Variants in ZNF569 observed in about 807,000 individuals in gnomAD.
ZNF569 encodes the protein zinc finger protein 569.
ZNF569 carries 38 observed loss-of-function variants against 56.3 expected under a neutral mutation model. The ratio of observed to expected loss-of-function variants is 0.68; its 90% confidence interval spans 0.52 to 0.88. The LOEUF is 0.88. Among genes scored for constraint, ZNF569 ranks in the 40% least tolerant of loss-of-function variants. The probability of loss-of-function intolerance (pLI) is 0.00; values close to 1 mark genes in which losing one functional copy is unlikely to be tolerated. For missense variants in ZNF569, 666 were observed against 809.2 expected (o/e 0.82, Z 2.15); for synonymous variants, 241 against 262.9 (o/e 0.92, Z 0.81).
intron 3 of ZNF569, among the ~76,000 whole-genome samples, chr19:37,437,099 T>C (rs183561100): frequency 4.0e-5 from 6 of 150,662 alleles, no homozygotes; most frequent in African/African-American, 1.5e-4. Context: ...ACTAGCAAAC[T>C]GATTTCAGCA....
intron 2 of ZNF569, among the ~76,000 whole-genome samples, chr19:37,460,434 C>T (rs1245356322): frequency 6.6e-6 from 1 of 152,010 alleles, no homozygotes; most frequent in African/African-American, 2.4e-5. Flanking sequence ...TGAGCCACCA[C>T]GCCTGGCCAA....
At chr19:37,459,244 C>T (rs2041720807) in intron 2 of ZNF569, among the ~76,000 whole-genome samples, 1 of 151,554 alleles carries the variant, frequency 6.6e-6, no homozygotes, top group African/African-American at 2.4e-5. Context: ...CCAAAAAAAA[C>T]CACACGTGTA....
intron 2 of ZNF569, among the ~76,000 whole-genome samples, chr19:37,448,729 G>A (rs1262569560): frequency 1.3e-5 from 2 of 151,432 alleles, no homozygotes; most frequent in Non-Finnish European, 2.9e-5. Flanking sequence ...ACGCCCGGCT[G>A]ATTTTTTGTA....
At position 37,444,899 on chromosome 19, in the gene ZNF569, A is replaced by T. The variant is rs1199390985; in HGVS notation, c.15+8T>A. On this transcript the variant is annotated splice_region_variant and intron_variant, in intron 3 of 5. Coordinates refer to ENST00000316950, the MANE Select transcript of ZNF569 (RefSeq NM_152484.3). ...AGGCAAGAAACAAATACACTATTTA[A>T]CATTTACCTGGGACTCAGTCATTTC... 6 of 1,606,170 alleles carry T rather than the reference A, an allele frequency of 3.7e-6. No homozygotes were observed.
At chr19:37,460,637 C>T (rs1363681230) in intron 2 of ZNF569, among the ~76,000 whole-genome samples, 4 of 151,942 alleles carry the variant, frequency 2.6e-5, no homozygotes, top group Non-Finnish European at 5.9e-5. Context: ...CACCTGTAGT[C>T]CAAGCTATTT....
intron 3 of ZNF569, among the ~76,000 whole-genome samples, chr19:37,441,622 C>T (rs980457992): frequency 1.3e-5 from 2 of 151,310 alleles, no homozygotes; most frequent in African/African-American, 2.4e-5. Flanking sequence ...GATTGTGCCA[C>T]GCCAGCCTGG....
intron 2 of ZNF569, chr19:37,455,174 G>C (rs2041653151): frequency 3.3e-6 from 1 of 302,742 alleles, no homozygotes; most frequent in Non-Finnish European, 6.1e-6. Flanking sequence ...ATAAAGTTAG[G>C]ATTAGGATAA....
intron 2 of ZNF569, among the ~76,000 whole-genome samples, chr19:37,451,589 GT>G (rs1386899018): frequency 1.3e-5 from 2 of 151,806 alleles, no homozygotes; most frequent in Non-Finnish European, 2.9e-5. Flanking sequence ...TTTTGCCAGT[GT>G]TTCTTTTACA....
chr19:37,468,542 C>T (rs901381199), upstream of ZNF569, among the ~76,000 whole-genome samples: 4 of 152,008 alleles, frequency 2.6e-5, no homozygotes, highest in African/African-American at 9.7e-5. Flanking sequence ...GTCGCTCAGG[C>T]TGGAGTGCAG....
At chr19:37,451,794 A>T (rs2041597664) in intron 2 of ZNF569, among the ~76,000 whole-genome samples, 1 of 152,102 alleles carries the variant, frequency 6.6e-6, no homozygotes, top group Admixed American at 6.5e-5. Context: ...ATCTTTTTCC[A>T]TCCCGCACCT....
upstream of ZNF569, chr19:37,467,761 G>A (rs1040046276): frequency 3.4e-6 from 3 of 891,948 alleles, no homozygotes; most frequent in South Asian, 3.0e-5. Flanking sequence ...TTGGAGTGGG[G>A]TTTCCAGGGC....
At chr19:37,425,318 ATTTTTT>A (rs770808954) in intron 5 of ZNF569, among the ~76,000 whole-genome samples, 3 of 104,168 alleles carry the variant, frequency 2.9e-5, no homozygotes, top group African/African-American at 1.2e-4. Context: ...CACGTGGCTA[ATTTTTT>A]TTTTTTTTTT....
rs540960010 is a variant in ZNF569 at position 37,467,392 on chromosome 19, T to C, written c.-513A>G. 5.9e-4 allele frequency: 94 copies of C among 158,934 alleles called. No homozygotes were observed. Among genetic ancestry groups the C allele is most frequent in the African/African-American group, 2.2e-3 (90 of 41,674 alleles). 9.8% of individuals were successfully genotyped at this position (158,934 alleles called of 1,614,324 possible). A position where few individuals can be genotyped will look rare whatever the true frequency, so the allele number is the denominator to read the frequency against. The stretch of plus-strand genomic sequence containing the variant: ...CTCCCGCGAGCCCAGCTCTGAGAGA[T>C]TGGGAGCGCAACTTGGTGCTGAGAA... On this transcript the variant is annotated 5_prime_UTR_variant, in exon 1 of 6. Transcript: ENST00000316950.
intron 5 of ZNF569, among the ~76,000 whole-genome samples, chr19:37,419,015 T>C (rs893973653): frequency 1.3e-5 from 2 of 152,230 alleles, no homozygotes; most frequent in South Asian, 2.1e-4. Context: ...TGAGATGGTA[T>C]CTCATTATGG....
At position 37,415,598 on chromosome 19, in the gene ZNF569, C is replaced by T. The variant is rs145907728; in HGVS notation, c.239-1179G>A. ...GGTATGAAAATTAAGAGGCCGGGCG[C>T]GGTGGCTCATGCCTATAATCCCAGC... On this transcript the variant is annotated intron_variant, in intron 5 of 5. Coordinates refer to ENST00000316950, the MANE Select transcript of ZNF569 (RefSeq NM_152484.3). Among the ~76,000 whole-genome samples the T allele has an allele frequency of 7.4e-3, 1,125 of 151,896 alleles. 9 individuals carry two copies. The highest frequency in any genetic ancestry group is 0.024 in the Middle Eastern group (7 of 294).
chr19:37,451,554 T>C (rs2041594421), intron 2 of ZNF569, among the ~76,000 whole-genome samples: 3 of 152,250 alleles, frequency 2.0e-5, no homozygotes, highest in Middle Eastern at 3.4e-3. Flanking sequence ...TATTATATTG[T>C]ATTGCTGTAT....
At chr19:37,458,488 T>C (rs2041708213) in intron 2 of ZNF569, among the ~76,000 whole-genome samples, 2 of 152,248 alleles carry the variant, frequency 1.3e-5, no homozygotes, top group Admixed American at 1.3e-4. Context: ...GACCAATACC[T>C]TCTTGTTCTT....
intron 3 of ZNF569, among the ~76,000 whole-genome samples, chr19:37,430,119 CAA>C (rs1164259289): frequency 6.6e-6 from 1 of 151,328 alleles, no homozygotes; most frequent in African/African-American, 2.4e-5. Context: ...TGATTTAGCC[CAA>C]GAGTTCAAGG....
chr19:37,426,924 T>C (rs1307914066), intron 3 of ZNF569, among the ~76,000 whole-genome samples: 1 of 152,194 alleles, frequency 6.6e-6, no homozygotes, highest in Non-Finnish European at 1.5e-5. Flanking sequence ...GGGCCACAGA[T>C]AGAATCTCAG....
Sources: gnomAD v4.1 joint callset for allele counts (sites outside exome capture counted in the v4.1 genomes callset) on GRCh38, gnomAD v4.1.1 for gene constraint, MANE v1.5 for transcripts, NCBI Gene and HGNC (gene_info 2026-07-23, HGNC 2026-07-21) for gene names.